Variants in ATRX observed in about 807,000 individuals in gnomAD.
The protein encoded by ATRX is chromatin remodeler ATRX.
ATRX carries 12 observed loss-of-function variants against 172.6 expected under a neutral mutation model. The ratio of observed to expected loss-of-function variants is 0.07; its 90% CI spans 0.04 to 0.11. The LOEUF (loss-of-function observed/expected upper bound fraction) is 0.11. Among genes scored for constraint, ATRX ranks in the 10% least tolerant of loss-of-function variants. The pLI is 1.00. For missense variants in ATRX, 1,368 were observed against 1,767.4 expected, an observed-to-expected ratio of 0.77 and a Z score of 4.05; for synonymous variants, 674 against 594.7, an observed-to-expected ratio of 1.13 and a Z score of -1.94.
intron 1 of ATRX, among the ~76,000 whole-genome samples, chrX:77,745,441 AT>A (rs1234685044): frequency 1.8e-5 from 2 of 111,473 alleles, no homozygotes; most frequent in Non-Finnish European, 3.8e-5. Flanking sequence ...TTGCAACAAC[AT>A]GGATGGAACT....
intron 26 of ATRX, among the ~76,000 whole-genome samples, chrX:77,592,306 G>A (rs944784046): frequency 9.5e-6 from 1 of 105,435 alleles, no homozygotes; most frequent in Non-Finnish European, 1.9e-5. Flanking sequence ...AGCTACTCAG[G>A]AGGCAAGGCT....
intron 1 of ATRX, among the ~76,000 whole-genome samples, chrX:77,726,502 T>C (rs1255584074): frequency 9.4e-6 from 1 of 106,440 alleles, no homozygotes; most frequent in Non-Finnish European, 1.9e-5. Context: ...AGGGATAGCA[T>C]TAGTAGATAT....
rs782399963 is a variant in ATRX, at chrX:77,771,786, C to T, written c.20+14196G>A. ...TATCTAGAAAAGTGGTTCTCAAACCCATACCGCCCACAGGGAACATCTGGC... is the reference window on the plus strand; with the variant it reads ...TATCTAGAAAAGTGGTTCTCAAACCTATACCGCCCACAGGGAACATCTGGC... On this transcript the variant is annotated intron_variant, in intron 1 of 34. Transcript: ENST00000373344. Among the ~76,000 whole-genome samples, 6 of 111,501 alleles carry T rather than the reference C, an allele frequency of 5.4e-5. No homozygotes were observed. In the East Asian group the frequency reaches 1.7e-3, roughly 31 times the overall value.
chrX:77,592,749 T>C (rs1297314777), intron 26 of ATRX, among the ~76,000 whole-genome samples: 1 of 105,723 alleles, frequency 9.5e-6, no homozygotes, highest in African/African-American at 3.5e-5. Flanking sequence ...GAGGCGGAGG[T>C]TGCGATGAGC....
At chrX:77,547,537 G>C (rs949272432) in intron 30 of ATRX, among the ~76,000 whole-genome samples, 2 of 111,812 alleles carry the variant, frequency 1.8e-5, no homozygotes, top group Admixed American at 1.9e-4. Context: ...CTGTTAACAA[G>C]TATTTATTGT....
intron 34 of ATRX, among the ~76,000 whole-genome samples, chrX:77,509,957 C>G (rs1388295284): frequency 9.3e-6 from 1 of 107,366 alleles, no homozygotes; most frequent in Admixed American, 9.9e-5. Flanking sequence ...CCAGGGTGGC[C>G]AGGAGATTGC....
At chrX:77,584,227 TA>T (rs1340481474) in intron 27 of ATRX, among the ~76,000 whole-genome samples, 3 of 111,629 alleles carry the variant, frequency 2.7e-5, no homozygotes, top group Non-Finnish European at 3.8e-5. Flanking sequence ...TCGATATTAT[TA>T]AAATGTCCAT....
At chrX:77,725,379 C>T (rs1024008459) in intron 1 of ATRX, among the ~76,000 whole-genome samples, 22 of 111,851 alleles carry the variant, frequency 2.0e-4, no homozygotes, top group South Asian at 3.7e-4. Flanking sequence ...GGAAAGAATT[C>T]CCTATTTAAC....
chrX:77,689,719 G>C (rs2071781706), intron 6 of ATRX, among the ~76,000 whole-genome samples: 1 of 112,291 alleles, frequency 8.9e-6, no homozygotes, highest in African/African-American at 3.2e-5. Flanking sequence ...TTCACACCCT[G>C]AGCTAAACAT....
intron 10 of ATRX, chrX:77,674,704 A>G (rs1327092056): frequency 5.4e-5 from 6 of 111,434 alleles, no homozygotes; most frequent in Non-Finnish European, 1.1e-4. Flanking sequence ...GCCTTTGAGT[A>G]ACATCTGAGG....
intron 16 of ATRX, among the ~76,000 whole-genome samples, chrX:77,635,430 G>A (rs889157964): frequency 1.8e-5 from 2 of 110,889 alleles, no homozygotes; most frequent in Admixed American, 9.6e-5. Context: ...TCCTTTATTC[G>A]ATAGTAAACA....
intron 1 of ATRX, among the ~76,000 whole-genome samples, chrX:77,732,262 C>T (rs1226720049): frequency 1.8e-5 from 2 of 111,481 alleles, no homozygotes; most frequent in Non-Finnish European, 3.8e-5. Context: ...GGCCAGGTCC[C>T]GCACTCACTC....
intron 1 of ATRX, among the ~76,000 whole-genome samples, chrX:77,760,933 C>CAT (rs201907951): frequency 0.058 from 6,467 of 111,125 alleles, 492 homozygotes; most frequent in African/African-American, 0.2. Flanking sequence ...TTCTGTTGTT[C>CAT]ATGTATTAAG....
chrX:77,704,098 A>C (rs781846275), intron 2 of ATRX, among the ~76,000 whole-genome samples: 1 of 110,201 alleles, frequency 9.1e-6, no homozygotes, highest in African/African-American at 3.3e-5. Flanking sequence ...TCATCCCATC[A>C]TCTCCCCATC....
At chrX:77,650,118 T>C (rs1158046531) in intron 15 of ATRX, among the ~76,000 whole-genome samples, 1 of 112,111 alleles carries the variant, frequency 8.9e-6, no homozygotes, top group Non-Finnish European at 1.9e-5. Flanking sequence ...ACAGGGATTT[T>C]TGTAAAAACC....
intron 1 of ATRX, among the ~76,000 whole-genome samples, chrX:77,767,557 G>A (rs1475262720): frequency 3.7e-5 from 4 of 109,566 alleles, no homozygotes; most frequent in South Asian, 3.9e-4. Context: ...CATCATGCTC[G>A]GCAAAATTTT....
chrX:77,616,809 C>T (rs2067374281), intron 21 of ATRX, 79 bp from the exon 22 acceptor site: 1 of 671,696 alleles, frequency 1.5e-6, no homozygotes, highest in African/African-American at 2.2e-5. Flanking sequence ...TTGCTTATAA[C>T]TGAAATATAC....
At chrX:77,752,510 T>C (rs782694277) in intron 1 of ATRX, among the ~76,000 whole-genome samples, 4 of 112,280 alleles carry the variant, frequency 3.6e-5, no homozygotes, top group Admixed American at 1.9e-4. Context: ...CTATGTTGAA[T>C]AGGAGTGGTG....
chrX:77,619,007 A>G, intron 20 of ATRX, 26 bp from the exon 21 acceptor site: 1 of 1,045,760 alleles, frequency 9.6e-7, no homozygotes, highest in South Asian at 2.0e-5. Flanking sequence ...TTATTCATTA[A>G]CAACATTAAC....
Sources: gnomAD v4.1 joint callset for allele counts (sites outside exome capture counted in the v4.1 genomes callset) on GRCh38, gnomAD v4.1.1 for gene constraint, MANE v1.5 for transcripts, NCBI Gene and HGNC (gene_info 2026-07-23, HGNC 2026-07-21) for gene names.